The following SART3 variants were observed in gnomAD, a reference collection of about 807,000 sequenced individuals.
The protein encoded by SART3 is HIV-1 Tat-interacting protein of 110kDa.
Under a neutral mutation model 122.3 loss-of-function variants are expected in SART3, and 44 were observed. The ratio of observed to expected loss-of-function variants is 0.36; its 90% CI spans 0.28 to 0.46. The LOEUF (loss-of-function observed/expected upper bound fraction) is 0.46, where lower values mean the gene tolerates loss of function less well. SART3 is among the 20% of genes least tolerant of loss of function. The probability of loss-of-function intolerance (pLI) is 1.00; values close to 1 mark genes in which losing one functional copy is unlikely to be tolerated. For synonymous variants in SART3, 442 were observed against 454.0 expected, an observed-to-expected ratio of 0.97 and a Z score of 0.34; for missense variants, 1,101 against 1,229.0, an observed-to-expected ratio of 0.90 and a Z score of 1.56.
chr12:108,558,620 C>G lies in SART3; in HGVS notation c.312+2223G>C, dbSNP rs547350312. 1.5e-4 allele frequency among the ~76,000 whole-genome samples: 23 copies of G among 152,298 alleles called. No homozygotes were observed. The South Asian group carries it at 4.4e-3, about 29-fold the overall frequency. On this transcript the variant is annotated intron_variant, in intron 1 of 18. Transcript: ENST00000546815. ...CACAGAATAGGCTCATCGAAAGGCC[C>G]AGGACTAGCAGTCTGAAGAAATGAC...
At chr12:108,527,561 T>A (rs1872442052) in intron 15 of SART3, among the ~76,000 whole-genome samples, 3 of 152,158 alleles carry the variant, frequency 2.0e-5, no homozygotes, top group African/African-American at 7.2e-5. Context: ...ACCACTGCGG[T>A]CACACATCAC....
chr12:108,549,356 C>A (rs1264940515), intron 1 of SART3, 142 bp from the exon 2 acceptor site: 6 of 794,644 alleles, frequency 7.6e-6, no homozygotes, highest in Non-Finnish European at 1.3e-5. Flanking sequence ...AGCAACCCAG[C>A]ACGTACCCAC....
At position 108,533,138 on chromosome 12, in the gene SART3, AAAGT is replaced by A. The variant is rs541091964; in HGVS notation, c.1557-808_1557-805del. On this transcript the variant is annotated intron_variant, in intron 12 of 18. Transcript: ENST00000546815. ...GAATAAATTCAGAGCACTGGTTCTCAAAGTAAGATCCACGTACCCCTGAGGATCT... is the reference window on the plus strand; with the variant it reads ...GAATAAATTCAGAGCACTGGTTCTCAAAGATCCACGTACCCCTGAGGATCT... Among the ~76,000 whole-genome samples, 25 of 152,288 alleles carry A rather than the reference AAAGT, an allele frequency of 1.6e-4. No individual in the cohort carries two copies. In the South Asian group the frequency reaches 4.8e-3, roughly 29 times the overall value.
At chr12:108,541,150 T>C (rs1210103840) in intron 6 of SART3, among the ~76,000 whole-genome samples, 1 of 152,188 alleles carries the variant, frequency 6.6e-6, no homozygotes, top group Non-Finnish European at 1.5e-5. Flanking sequence ...CTCACGCCTG[T>C]AATCCCAGCC....
intron 2 of SART3, among the ~76,000 whole-genome samples, chr12:108,548,669 T>C (rs552092715): frequency 1.3e-5 from 2 of 152,302 alleles, no homozygotes; most frequent in East Asian, 3.9e-4. Flanking sequence ...AGCAAATAAG[T>C]AGAAATAACC....
At chr12:108,530,438 G>C (rs570306252) in intron 14 of SART3, 128 bp from the exon 15 acceptor site, 111 of 1,052,290 alleles carry the variant, frequency 1.1e-4, no homozygotes, top group Admixed American at 2.6e-4. Context: ...AGAAAAACGT[G>C]GACAGGCTCA....
rs776830073 is a variant in SART3, at chr12:108,525,452, C to A, written c.2523+5G>T. On this transcript the variant is annotated splice_donor_5th_base_variant and intron_variant, in intron 17 of 18. Coordinates refer to ENST00000546815, the MANE Select transcript of SART3 (RefSeq NM_014706.4). ...AGACAAGGCACAATCTGCTCTGACT[C>A]TGACCTTTGGTTTGCCAGCCCGGTT... 1.9e-6 allele frequency: 3 copies of A among 1,614,176 alleles called. No homozygotes were observed. The highest frequency in any genetic ancestry group is 2.2e-5 in the South Asian group (2 of 91,068).
chr12:108,532,185 G>T (rs778227419), intron 13 of SART3, 37 bp downstream of exon 13: 1 of 1,577,844 alleles, frequency 6.3e-7, no homozygotes, highest in East Asian at 2.2e-5. Context: ...CAGCAAATGG[G>T]TTAGGCTCCA....
intron 12 of SART3, among the ~76,000 whole-genome samples, chr12:108,534,318 T>A (rs1444085880): frequency 6.6e-6 from 1 of 152,176 alleles, no homozygotes; most frequent in South Asian, 2.1e-4. Flanking sequence ...CCAAAAAAAT[T>A]GTGAACTGCA....
intron 15 of SART3, among the ~76,000 whole-genome samples, chr12:108,529,118 G>A (rs1872531298): frequency 6.6e-6 from 1 of 152,130 alleles, no homozygotes; most frequent in African/African-American, 2.4e-5. Context: ...GCGAGACTCT[G>A]TCTCAAAAAT....
At chr12:108,526,598 C>T in intron 15 of SART3, 45 bp from the exon 16 acceptor site, 1 of 1,592,640 alleles carries the variant, frequency 6.3e-7, no homozygotes, top group Non-Finnish European at 8.6e-7. Flanking sequence ...ACTGTTACTT[C>T]TCTTCAGGGA....
chr12:108,550,450 C>A (rs2029959080), intron 1 of SART3, among the ~76,000 whole-genome samples: 1 of 152,134 alleles, frequency 6.6e-6, no homozygotes, highest in African/African-American at 2.4e-5. Context: ...ATGGAAGATT[C>A]CCTCACTTCA....
At chr12:108,528,024 C>CA (rs891378411) in intron 15 of SART3, among the ~76,000 whole-genome samples, 1 of 152,142 alleles carries the variant, frequency 6.6e-6, no homozygotes, top group Admixed American at 6.5e-5. Context: ...CTCAGCCTCC[C>CA]AGAGTGCTGG....
chr12:108,550,086 T>C (rs2029944182), intron 1 of SART3, among the ~76,000 whole-genome samples: 1 of 151,844 alleles, frequency 6.6e-6, no homozygotes, highest in African/African-American at 2.4e-5. Context: ...TTGGTATCTG[T>C]TGATGCTGAG....
At chr12:108,531,103 G>A in intron 14 of SART3, 101 bp downstream of exon 14, 2 of 850,790 alleles carry the variant, frequency 2.4e-6, no homozygotes, top group Admixed American at 1.9e-5. Context: ...CTGAGTAAAA[G>A]ACACTTAGGA....
chr12:108,536,465 C>T (rs1251339775), intron 11 of SART3, 49 bp downstream of exon 11: 5 of 1,551,660 alleles, frequency 3.2e-6, no homozygotes, highest in Non-Finnish European at 4.4e-6. Flanking sequence ...TAATAGGATG[C>T]TATTAAACAA....
chr12:108,556,468 A>G (rs908803092), intron 1 of SART3, among the ~76,000 whole-genome samples: 1 of 152,218 alleles, frequency 6.6e-6, no homozygotes, highest in East Asian at 1.9e-4. Context: ...ATAATCAATT[A>G]CAGATAAGAA....
intron 11 of SART3, chr12:108,535,718 C>T (rs1872875409): frequency 2.0e-6 from 1 of 493,654 alleles, no homozygotes; most frequent in African/African-American, 2.0e-5. Context: ...GGTACTTACT[C>T]GACAGTACTA....
Position 108,549,072 on chromosome 12 carries a change from G to A in SART3, c.439+16C>T. Reference sequence around the variant, plus strand: ...TTGTTTCTGTTTCTAAAAGCAGCCTGACTGCTGAAGCTTACCTTCAGTCAA... The same window carrying A: ...TTGTTTCTGTTTCTAAAAGCAGCCTAACTGCTGAAGCTTACCTTCAGTCAA... On this transcript the variant is annotated intron_variant, in intron 2 of 18. Transcript: ENST00000546815. The A allele has an allele frequency of 2.5e-6, 4 of 1,613,950 alleles. No individual in the cohort carries two copies. In the South Asian group the frequency reaches 4.4e-5, roughly 18 times the overall value.
Sources: gnomAD v4.1 joint callset for allele counts (sites outside exome capture counted in the v4.1 genomes callset) on GRCh38, gnomAD v4.1.1 for gene constraint, MANE v1.5 for transcripts, NCBI Gene and HGNC (gene_info 2026-07-23, HGNC 2026-07-21) for gene names.